Variants in LYPLAL1 observed in about 807,000 individuals in gnomAD.
LYPLAL1 encodes the protein lysophospholipase-like protein 1.
LYPLAL1 carries 23 observed loss-of-function variants against 19.7 expected under a neutral mutation model. The ratio of observed to expected loss-of-function variants is 1.17; its 90% CI spans 0.84 to 1.65. LYPLAL1 has a LOEUF of 1.65. Ranked by LOEUF, LYPLAL1 falls within the 40% of genes most tolerant of loss-of-function variation. LYPLAL1 has a pLI of 0.00. For synonymous variants in LYPLAL1, 119 were observed against 96.3 expected (o/e 1.24, Z -1.38); for missense variants, 355 against 279.4 (o/e 1.27, Z -1.93).
intron 2 of LYPLAL1, among the ~76,000 whole-genome samples, chr1:219,187,091 T>A (rs1656786623): frequency 6.6e-6 from 1 of 151,658 alleles, no homozygotes; most frequent in Non-Finnish European, 1.5e-5. Flanking sequence ...GTGTATGTTA[T>A]AGTTTTCATA....
At chr1:219,354,175 T>C in the LYPLAL1 span, among the ~76,000 whole-genome samples, 1 of 152,262 alleles carries the variant, frequency 6.6e-6, no homozygotes, top group African/African-American at 2.4e-5. Context: ...GAAAGATACT[T>C]AAAGAAAAAA....
chr1:219,250,049 G>T, the LYPLAL1 span, among the ~76,000 whole-genome samples: 4 of 151,854 alleles, frequency 2.6e-5, no homozygotes, highest in South Asian at 8.3e-4. Flanking sequence ...TAATTTTCTT[G>T]TTTATGTTTA....
At chr1:219,245,160 C>T in the LYPLAL1 span, among the ~76,000 whole-genome samples, 1 of 150,046 alleles carries the variant, frequency 6.7e-6, no homozygotes, top group South Asian at 2.1e-4. Context: ...CTCCTTCCCT[C>T]CCTCCCTCTT....
At chr1:219,391,036 C>T in the LYPLAL1 span, among the ~76,000 whole-genome samples, 1 of 152,144 alleles carries the variant, frequency 6.6e-6, no homozygotes, top group Admixed American at 6.5e-5. Flanking sequence ...GACAAAAAGC[C>T]AACAACAAAA....
chr1:219,301,928 T>C, the LYPLAL1 span, among the ~76,000 whole-genome samples: 1 of 152,264 alleles, frequency 6.6e-6, no homozygotes, highest in Middle Eastern at 3.4e-3. Flanking sequence ...TGTTTTGAAT[T>C]TTTTAAAAAA....
chr1:219,346,591 G>A, the LYPLAL1 span, among the ~76,000 whole-genome samples: 18 of 151,812 alleles, frequency 1.2e-4, no homozygotes, highest in Non-Finnish European at 2.2e-4. Context: ...AGAATGAAAA[G>A]ATAGGGATAC....
chr1:219,356,106 A>C, the LYPLAL1 span, among the ~76,000 whole-genome samples: 1 of 152,206 alleles, frequency 6.6e-6, no homozygotes, highest in African/African-American at 2.4e-5. Context: ...AAAACAAAAT[A>C]AAATTGTTAG....
chr1:219,419,594 C>CAG, the LYPLAL1 span, among the ~76,000 whole-genome samples: 1,026 of 99,506 alleles, frequency 0.01, 23 homozygotes, highest in East Asian at 0.015. Context: ...CACACACACA[C>CAG]AGAGAGAGAG....
the LYPLAL1 span, among the ~76,000 whole-genome samples, chr1:219,279,275 A>G: frequency 6.6e-6 from 1 of 152,160 alleles, no homozygotes; most frequent in South Asian, 2.1e-4. Context: ...GTAGGTACCA[A>G]TGCTCCTATA....
chr1:219,410,448 C>G, the LYPLAL1 span, among the ~76,000 whole-genome samples: 1 of 152,334 alleles, frequency 6.6e-6, no homozygotes, highest in East Asian at 1.9e-4. Context: ...AAATATGACA[C>G]CTAATTTGTT....
intron 3 of LYPLAL1, among the ~76,000 whole-genome samples, chr1:219,205,055 A>G (rs1572205192): frequency 1.3e-5 from 2 of 152,180 alleles, no homozygotes; most frequent in South Asian, 2.1e-4. Flanking sequence ...ATGGCCTATT[A>G]ATAGAATTGA....
At chr1:219,278,678 A>AAACAACAAC in the LYPLAL1 span, among the ~76,000 whole-genome samples, 5,088 of 150,696 alleles carry the variant, frequency 0.034, 100 homozygotes, top group Non-Finnish European at 0.045. Context: ...AAAAATCACT[A>AAACAACAAC]AACAACAACA....
chr1:219,261,708 C>T, the LYPLAL1 span, among the ~76,000 whole-genome samples: 2 of 152,290 alleles, frequency 1.3e-5, no homozygotes, highest in African/African-American at 2.4e-5. Context: ...TCCCTTCTGG[C>T]TTATAGGGCT....
the LYPLAL1 span, among the ~76,000 whole-genome samples, chr1:219,412,444 T>C: frequency 6.6e-6 from 1 of 152,218 alleles, no homozygotes; most frequent in Non-Finnish European, 1.5e-5. Flanking sequence ...GTTTTTACTA[T>C]TTTTAAAATA....
chr1:219,215,838 A>AT (rs1351473691), downstream of LYPLAL1, among the ~76,000 whole-genome samples: 4 of 152,054 alleles, frequency 2.6e-5, no homozygotes, highest in African/African-American at 4.8e-5. Flanking sequence ...TTGAAAAGAC[A>AT]TTTTTTCTAT....
At chr1:219,182,514 C>T (rs1265588702) in intron 2 of LYPLAL1, among the ~76,000 whole-genome samples, 2 of 152,012 alleles carry the variant, frequency 1.3e-5, no homozygotes, top group African/African-American at 2.4e-5. Flanking sequence ...TTTCCGGTGA[C>T]GTCAAAAGGA....
At chr1:219,366,132 C>T in the LYPLAL1 span, among the ~76,000 whole-genome samples, 2 of 152,086 alleles carry the variant, frequency 1.3e-5, no homozygotes, top group Admixed American at 6.6e-5. Context: ...TGAATAATTT[C>T]CCATTCACTC....
chr1:219,190,447 C>G (rs2125057873), intron 2 of LYPLAL1, among the ~76,000 whole-genome samples: 1 of 151,010 alleles, frequency 6.6e-6, no homozygotes, highest in South Asian at 2.1e-4. Flanking sequence ...TGAAATTCCC[C>G]CAAAATTCAA....
At chr1:219,260,064 A>G in the LYPLAL1 span, among the ~76,000 whole-genome samples, 72 of 152,116 alleles carry the variant, frequency 4.7e-4, no homozygotes, top group Non-Finnish European at 9.3e-4. Flanking sequence ...AATTAGTACA[A>G]ATCCAAAAGA....
Sources: gnomAD v4.1 joint callset for allele counts (sites outside exome capture counted in the v4.1 genomes callset) on GRCh38, gnomAD v4.1.1 for gene constraint, MANE v1.5 for transcripts, NCBI Gene and HGNC (gene_info 2026-07-23, HGNC 2026-07-21) for gene names.